KLHL5: variants seen among roughly 807,000 people sequenced by gnomAD.
KLHL5 encodes the protein kelch-like protein 5.
In KLHL5, 48 loss-of-function variants were observed where a neutral mutation model predicts 77.7. That is an observed-to-expected ratio of 0.62 (90% CI 0.49 to 0.79). The LOEUF is 0.79. Among genes scored for constraint, KLHL5 ranks in the 30% least tolerant of loss-of-function variants. The pLI is 0.00. For missense variants in KLHL5, 723 were observed against 859.7 expected (o/e 0.84, Z 1.99); for synonymous variants, 260 against 297.0 (o/e 0.88, Z 1.28).
At chr4:39,091,419 A>C (rs1720539397) in intron 5 of KLHL5, among the ~76,000 whole-genome samples, 1 of 151,876 alleles carries the variant, frequency 6.6e-6, no homozygotes, top group South Asian at 2.1e-4. Flanking sequence ...TTACTTTTGA[A>C]AGCATTCCAA....
upstream of KLHL5, among the ~76,000 whole-genome samples, chr4:39,058,412 G>A (rs1717148770): frequency 6.6e-6 from 1 of 152,094 alleles, no homozygotes; most frequent in Admixed American, 6.5e-5. Flanking sequence ...GATCACTTGA[G>A]CTCAGGAATT....
chr4:39,115,101 GT>G, intron 9 of KLHL5, 57 bp from the exon 10 acceptor site: 1 of 1,499,720 alleles, frequency 6.7e-7, no homozygotes, highest in Non-Finnish European at 9.1e-7. Flanking sequence ...GAACAAAACT[GT>G]TTTTACATAA....
chr4:39,142,959 TGTG>T, the KLHL5 span, among the ~76,000 whole-genome samples: 1 of 152,108 alleles, frequency 6.6e-6, no homozygotes, highest in Non-Finnish European at 1.5e-5. Flanking sequence ...TAGGGAGTCT[TGTG>T]GTGATGGTAG....
chr4:39,050,032 G>A (rs1255329977), intron 1 of KLHL5, among the ~76,000 whole-genome samples: 2 of 152,056 alleles, frequency 1.3e-5, no homozygotes, highest in African/African-American at 4.8e-5. Context: ...CTGACATCAC[G>A]CCACTGCACT....
At chr4:39,073,454 T>C (rs910269242) in intron 1 of KLHL5, among the ~76,000 whole-genome samples, 6 of 152,200 alleles carry the variant, frequency 3.9e-5, no homozygotes, top group African/African-American at 1.4e-4. Context: ...AGAAATGTGA[T>C]ACAAAATATA....
chr4:39,046,230 T>TC (rs1264951420), intron 1 of KLHL5, among the ~76,000 whole-genome samples: 1 of 152,042 alleles, frequency 6.6e-6, no homozygotes, highest in Non-Finnish European at 1.5e-5. Flanking sequence ...AATATATAGT[T>TC]CCAGAAACTA....
chr4:39,050,073 C>T (rs2566113), intron 1 of KLHL5, among the ~76,000 whole-genome samples: 110,845 of 151,808 alleles, frequency 0.73, 40,589 homozygotes, highest in East Asian at 0.82. Flanking sequence ...AGACTCCATC[C>T]CAAAAATAAA....
chr4:39,136,005 C>CGTGTGTGTGTGTGT, the KLHL5 span, among the ~76,000 whole-genome samples: 5 of 145,920 alleles, frequency 3.4e-5, no homozygotes, highest in African/African-American at 1.3e-4. Flanking sequence ...CATTCTAACA[C>CGTGTGTGTGTGTGT]GTGTGTGTGT....
At chr4:39,113,717 T>C (rs543625410) in intron 9 of KLHL5, among the ~76,000 whole-genome samples, 1 of 152,162 alleles carries the variant, frequency 6.6e-6, no homozygotes, top group Non-Finnish European at 1.5e-5. Context: ...TTTAGTCTAG[T>C]ACAAGGAATA....
the KLHL5 span, among the ~76,000 whole-genome samples, chr4:39,140,935 G>C: frequency 2.0e-5 from 3 of 152,196 alleles, no homozygotes; most frequent in African/African-American, 7.2e-5. Context: ...AAGAGAAAGT[G>C]AATGAAGGTT....
At chr4:39,116,104 G>T (rs550199567) in intron 10 of KLHL5, 1 of 870,290 alleles carries the variant, frequency 1.1e-6, no homozygotes, top group Non-Finnish European at 1.4e-6. Flanking sequence ...AGGCTGAGGC[G>T]GGCAGATCAC....
chr4:39,091,535 G>A (rs1236667312), intron 5 of KLHL5, among the ~76,000 whole-genome samples: 3 of 152,202 alleles, frequency 2.0e-5, no homozygotes, highest in African/African-American at 4.8e-5. Flanking sequence ...TCAATGTTTA[G>A]CCTGAATTTA....
chr4:39,112,876 C>A (rs1722550497), intron 8 of KLHL5, 144 bp from the exon 9 acceptor site: 3 of 675,224 alleles, frequency 4.4e-6, no homozygotes, highest in South Asian at 1.9e-5. Flanking sequence ...ACATAGCATA[C>A]TTTTTTAATG....
chr4:39,079,273 A>G (rs988676697), intron 2 of KLHL5, among the ~76,000 whole-genome samples: 7 of 152,134 alleles, frequency 4.6e-5, no homozygotes, highest in Non-Finnish European at 8.8e-5. Flanking sequence ...TTAAAGTGGA[A>G]CTCAGATTCA....
In KLHL5 at chr4:39,063,035, G is replaced by A. The variant is rs1201468921; in HGVS notation, c.383G>A (p.Arg128Lys). ...AATGAATCTGATTCCAGTTCATGCAGGTTGATTATTTTCTTACTGTTAGAA... is the reference window on the plus strand; with the variant it reads ...AATGAATCTGATTCCAGTTCATGCAAGTTGATTATTTTCTTACTGTTAGAA... ...EENESDSSSC[R>K]TSNSSQTLSS... The change falls in exon 1 of 11, where the codon AGG becomes AAG. Residue 128 changes from arginine to lysine, a missense_variant and splice_region_variant. Physicochemically the swap from Arg to Lys is conservative, Grantham distance 26 (BLOSUM62 2). This residue lies in a region of KLHL5 where 221 missense variants were observed against 222.1 expected (regional missense o/e 1.00). Coordinates refer to ENST00000504108, the MANE Select transcript of KLHL5 (RefSeq NM_015990.5). The A allele has an allele frequency of 6.2e-7, 1 of 1,607,280 alleles. No individual in the cohort carries two copies. Among genetic ancestry groups the A allele is most frequent in the Non-Finnish European group, 8.5e-7 (1 of 1,176,364 alleles).
chr4:39,101,126 T>TTATATATATA (rs60405643), intron 6 of KLHL5, among the ~76,000 whole-genome samples: 9 of 134,844 alleles, frequency 6.7e-5, no homozygotes, highest in African/African-American at 2.5e-4. Flanking sequence ...TATTTGGATT[T>TTATATATATA]TATATATATA....
At chr4:39,104,554 C>A (rs1177214912) in intron 7 of KLHL5, among the ~76,000 whole-genome samples, 2 of 152,114 alleles carry the variant, frequency 1.3e-5, no homozygotes, top group Non-Finnish European at 2.9e-5. Context: ...CTGTTTCGTG[C>A]AGATGACATT....
chr4:39,113,507 A>G (rs985314969), intron 9 of KLHL5, among the ~76,000 whole-genome samples: 1 of 152,214 alleles, frequency 6.6e-6, no homozygotes, highest in African/African-American at 2.4e-5. Context: ...AGGCAGAATG[A>G]CTTAAGGGCT....
intron 8 of KLHL5, 33 bp downstream of exon 8, chr4:39,107,764 C>A (rs1467717686): frequency 2.0e-6 from 3 of 1,507,764 alleles, no homozygotes; most frequent in South Asian, 1.2e-5. Context: ...ATTTAAAATG[C>A]AATACACCAA....
Sources: allele counts gnomAD v4.1 joint callset (sites outside exome capture counted in the v4.1 genomes callset), GRCh38; gene constraint gnomAD v4.1.1; regional missense constraint gnomAD v4.1.1; transcripts MANE v1.5; gene names NCBI Gene and HGNC (gene_info 2026-07-23, HGNC 2026-07-21).